The following TRPA1 variants were observed in gnomAD, a reference collection of about 807,000 sequenced individuals.
TRPA1 encodes the protein ankyrin-like with transmembrane domains 1.
In TRPA1, 129 loss-of-function variants were observed where a neutral mutation model predicts 131.3. The observed-to-expected ratio is 0.98, with a 90% CI of 0.85 to 1.14. The LOEUF (loss-of-function observed/expected upper bound fraction) is 1.14. Among genes scored for constraint, TRPA1 ranks in the 50% most tolerant of loss-of-function variants. The pLI is 0.00. For missense variants in TRPA1, 1,304 were observed against 1,354.2 expected (o/e 0.96, Z 0.58); for synonymous variants, 441 against 451.7 (o/e 0.98, Z 0.30).
chr8:72,051,538 A>G (rs980849253), intron 14 of TRPA1, among the ~76,000 whole-genome samples: 1 of 152,168 alleles, frequency 6.6e-6, no homozygotes, highest in Non-Finnish European at 1.5e-5. Flanking sequence ...TAGTATATCT[A>G]CATTATCAAA....
chr8:72,060,056 T>C (rs1325313341), intron 7 of TRPA1, among the ~76,000 whole-genome samples: 1 of 152,172 alleles, frequency 6.6e-6, no homozygotes, highest in Admixed American at 6.5e-5. Context: ...CAAGCTTCTC[T>C]CAGCTATTTT....
chr8:72,080,369 C>A (rs574648099), upstream of TRPA1, among the ~76,000 whole-genome samples: 33 of 150,406 alleles, frequency 2.2e-4, no homozygotes, highest in African/African-American at 6.3e-4. Context: ...ACTGTCTCTA[C>A]AACTATTAAG....
At chr8:72,054,543 T>G (rs1805611981) in intron 12 of TRPA1, 1 of 153,110 alleles carries the variant, frequency 6.5e-6, no homozygotes, top group Non-Finnish European at 1.5e-5. Context: ...ATTTCAGTGC[T>G]AGTGAGCAGA....
In TRPA1 at chr8:72,055,424, A is replaced by G. The variant is rs2129435530; in HGVS notation, c.1529+12T>C. 2 of 1,610,416 alleles carry G rather than the reference A, an allele frequency of 1.2e-6. No individual in the cohort carries two copies. The highest frequency in any genetic ancestry group is 1.3e-5 in the African/African-American group (1 of 74,962). ...AAGAAATTATATAAACACTCCAATC[A>G]TATATCCTCACCTGAGAAACAATGC... On this transcript the variant is annotated intron_variant, in intron 12 of 26. Coordinates refer to ENST00000262209, the MANE Select transcript of TRPA1 (RefSeq NM_007332.3).
Position 72,047,156 on chromosome 8 carries a change from C to T in TRPA1, c.1957G>A (p.Asp653Asn), listed in dbSNP as rs1332054264. Residue 653 changes from aspartate (D) to asparagine (N), a missense_variant, in exon 16 of 27, where the codon GAC becomes AAC. Asp to Asn is a conservative substitution (Grantham distance 23). Coordinates refer to ENST00000262209, the MANE Select transcript of TRPA1 (RefSeq NM_007332.3). ...TGATAAAATAAACTTACATAATAGT[C>T]TCGGCAGGACTTGTCTTCTGTGGAA... ...LHSTEDKSCR[D>N]YYIEYNFKYL... 5.6e-6 allele frequency: 9 copies of T among 1,607,386 alleles called. No individual in the cohort carries two copies. The highest frequency in any genetic ancestry group is 1.7e-5 in the Admixed American group (1 of 59,770).
chr8:72,048,090 T>A (rs1328817396), intron 15 of TRPA1, among the ~76,000 whole-genome samples: 1 of 151,932 alleles, frequency 6.6e-6, no homozygotes, highest in East Asian at 1.9e-4. Flanking sequence ...GAGAAATAGA[T>A]GAAGACTCTC....
In TRPA1 at chr8:72,023,817, T is replaced by C; in HGVS notation, c.3146A>G (p.Tyr1049Cys). ...AGATAGAAGGAAAAATACATACCGGTATTTCTGCTTTAATATTTCCATTTC... is the reference window on the plus strand; with the variant it reads ...AGATAGAAGGAAAAATACATACCGGCATTTCTGCTTTAATATTTCCATTTC... ...SLEMEILKQK[Y>C]RLKDLTFLLE... The change falls in exon 26 of 27, where the codon TAC becomes TGC. Residue 1049 changes from tyrosine to cysteine, a missense_variant. Coordinates refer to ENST00000262209, the MANE Select transcript of TRPA1 (RefSeq NM_007332.3). 6.5e-7 allele frequency: 1 copy of C among 1,527,006 alleles called. No individual in the cohort carries two copies. Among genetic ancestry groups the C allele is most frequent in the Non-Finnish European group, 9.1e-7 (1 of 1,101,286 alleles). The allele number at this position is 1,527,006 out of a possible 1,614,324, so 94.6% of individuals were successfully genotyped here. A position where few individuals can be genotyped will look rare whatever the true frequency, so the allele number is the denominator to read the frequency against.
In TRPA1 at chr8:72,047,184, C is replaced by A; in HGVS notation, c.1929G>T (p.Leu643Phe). 1 of 1,611,014 alleles carries A rather than the reference C, an allele frequency of 6.2e-7. No individual in the cohort carries two copies. ...GGCAGGACTTGTCTTCTGTGGAATG[C>A]AACATGCAGAAATCTAAAAGTACCT... ...CMKVLLDFCM[L>F]HSTEDKSCRD... Residue 643 changes from leucine to phenylalanine, a missense_variant, in exon 16 of 27, where the codon TTG becomes TTT. By Grantham distance (22) the Leu-to-Phe change is conservative. Transcript: ENST00000262209.
At chr8:72,042,193 T>G (rs1418478499) in intron 17 of TRPA1, among the ~76,000 whole-genome samples, 1 of 151,818 alleles carries the variant, frequency 6.6e-6, no homozygotes, top group Non-Finnish European at 1.5e-5. Flanking sequence ...CTCCTACAAC[T>G]CAACAAGACA....
At chr8:72,062,674 G>C in intron 6 of TRPA1, 125 bp downstream of exon 6, 2 of 1,021,208 alleles carry the variant, frequency 2.0e-6, no homozygotes, top group Admixed American at 2.1e-5. Context: ...TTCTGCAGAA[G>C]CAGAAGGAAA....
In TRPA1 at chr8:72,068,589, G is replaced by A. The variant is rs118144661; in HGVS notation, c.444+434C>T. ...CTTCCTCCTTTTAGTCATTAAATCAGTCAGGTAAAAGTGATAAAGCCTAAA... is the reference window on the plus strand; with the variant it reads ...CTTCCTCCTTTTAGTCATTAAATCAATCAGGTAAAAGTGATAAAGCCTAAA... On this transcript the variant is annotated intron_variant, in intron 3 of 26. Transcript: ENST00000262209. Among the ~76,000 whole-genome samples the A allele has an allele frequency of 3.3e-3, 503 of 152,258 alleles. 2 individuals carry two copies. The highest frequency in any genetic ancestry group is 6.8e-3 in the Middle Eastern group (2 of 294).
At chr8:72,068,554 C>A (rs1002995848) in intron 3 of TRPA1, among the ~76,000 whole-genome samples, 1 of 152,226 alleles carries the variant, frequency 6.6e-6, no homozygotes, top group Non-Finnish European at 1.5e-5. Flanking sequence ...TTCACTGAGT[C>A]TCTCATTACC....
the TRPA1 span, among the ~76,000 whole-genome samples, chr8:72,085,605 A>G: frequency 6.6e-6 from 1 of 151,858 alleles, no homozygotes; most frequent in Non-Finnish European, 1.5e-5. Context: ...TTTTTCTAAC[A>G]TATTTTTCTA....
At chr8:72,047,281 G>C (rs1427898235) in intron 15 of TRPA1, 74 bp from the exon 16 acceptor site, 1 of 1,083,654 alleles carries the variant, frequency 9.2e-7, no homozygotes, top group Non-Finnish European at 1.4e-6. Flanking sequence ...TCCTATTTCT[G>C]AAATAATACA....
chr8:72,059,292 C>A (rs12548486), intron 8 of TRPA1, 98 bp downstream of exon 8: 1 of 851,742 alleles, frequency 1.2e-6, no homozygotes, highest in South Asian at 1.8e-5. Context: ...AGCAAGAAAT[C>A]AAAATTTGCT....
chr8:72,063,650 C>G (rs1805862913), intron 4 of TRPA1, 79 bp from the exon 5 acceptor site: 4 of 886,876 alleles, frequency 4.5e-6, no homozygotes, highest in Non-Finnish European at 7.5e-6. Flanking sequence ...ATGTGCCTCT[C>G]CCATATCATT....
At chr8:72,089,741 T>A in the TRPA1 span, among the ~76,000 whole-genome samples, 2 of 152,116 alleles carry the variant, frequency 1.3e-5, no homozygotes, top group East Asian at 3.8e-4. Flanking sequence ...TGGTGGTAAC[T>A]ATGTCAGATT....
Position 72,055,562 on chromosome 8 carries a change from T to C in TRPA1, c.1403A>G (p.Asp468Gly), listed in dbSNP as rs767840901. The C allele has an allele frequency of 5.0e-6, 8 of 1,613,550 alleles. No homozygotes were observed. The highest frequency in any genetic ancestry group is 4.5e-5 in the East Asian group (2 of 44,870). Residue 468 changes from aspartate (D) to glycine (G), a missense_variant, in exon 12 of 27, where the codon GAC (aspartate) becomes GGC (glycine). By Grantham distance (94) the Asp-to-Gly change is moderately conservative. Transcript: ENST00000262209. ...ATTCAGAAGCCTCGTATCACTTATG[T>C]CTTGTAGGAGCCTCTGACAGGTATT... ...RINTCQRLLQ[D>G]ISDTRLLNEG...
At chr8:72,038,233 C>T (rs889919958) in intron 19 of TRPA1, among the ~76,000 whole-genome samples, 161 bp from the exon 20 acceptor site, 1 of 151,522 alleles carries the variant, frequency 6.6e-6, no homozygotes, top group Non-Finnish European at 1.5e-5. Flanking sequence ...CACCAATACT[C>T]ATATAATTTA....
Sources: allele counts gnomAD v4.1 joint callset (sites outside exome capture counted in the v4.1 genomes callset), GRCh38; gene constraint gnomAD v4.1.1; transcripts MANE v1.5; gene names NCBI Gene and HGNC (gene_info 2026-07-23, HGNC 2026-07-21).